Variants in LARGE1 observed in about 807,000 individuals in gnomAD.
LARGE1 encodes xylosyl- and glucuronyltransferase LARGE1.
Under a neutral mutation model 87.6 loss-of-function variants are expected in LARGE1, and 43 were observed. The observed-to-expected ratio is 0.49, with a 90% CI of 0.38 to 0.63. The LOEUF (loss-of-function observed/expected upper bound fraction) is 0.63. LARGE1 is among the 30% of genes least tolerant of loss of function. The pLI, the probability that LARGE1 is intolerant of heterozygous loss-of-function variation, is 0.00. For synonymous variants in LARGE1, 434 were observed against 394.6 expected (o/e 1.10, Z -1.18); for missense variants, 802 against 1,000.2 (o/e 0.80, Z 2.67).
rs575387779 is a variant in LARGE1, at chr22:33,627,553, C to T, written c.409-1227G>A. Reference sequence around the variant, plus strand: ...CCTCAGAGCCCTTGCTCCCATGACACGGGCTTCCAGATACCTTGTTATCCC... The same window carrying T: ...CCTCAGAGCCCTTGCTCCCATGACATGGGCTTCCAGATACCTTGTTATCCC... On this transcript the variant is annotated intron_variant, in intron 3 of 14. Transcript: ENST00000397394. 7.9e-5 allele frequency among the ~76,000 whole-genome samples: 12 copies of T among 152,322 alleles called. No homozygotes were observed. The South Asian group carries it at 1.4e-3, about 18-fold the overall frequency.
At chr22:33,431,439 A>G (rs1438221193) in intron 7 of LARGE1, among the ~76,000 whole-genome samples, 3 of 152,204 alleles carry the variant, frequency 2.0e-5, no homozygotes, top group Non-Finnish European at 4.4e-5. Flanking sequence ...ACACATGGTT[A>G]TAGGTCTGTG....
At position 33,277,077 on chromosome 22, in the gene LARGE1, T is replaced by C. The variant is rs1929457193; in HGVS notation, c.2056A>G (p.Met686Val). Residue 686 changes from methionine to valine, a missense_variant, in exon 14 of 15, where the codon ATG becomes GTG. Physicochemically the swap from Met to Val is conservative, Grantham distance 21. Transcript: ENST00000397394. ...GFGWNKVAHI[M>V]ELDVQEYEFI... ...CTTCTCACCTGCACATCCAGCTCCA[T>C]GATATGAGCCACTTTGTTCCAGCCA... 8 of 1,614,210 alleles carry C rather than the reference T, an allele frequency of 5.0e-6. 1 individual carries two copies. The East Asian group carries it at 1.6e-4, about 31-fold the overall frequency.
intron 7 of LARGE1, among the ~76,000 whole-genome samples, chr22:33,405,264 C>T (rs1209981220): frequency 6.6e-6 from 1 of 152,170 alleles, no homozygotes; most frequent in African/African-American, 2.4e-5. Context: ...GTATCATGGC[C>T]CAGGAAGCTC....
At chr22:33,068,591 G>A in the LARGE1 span, among the ~76,000 whole-genome samples, 1 of 152,182 alleles carries the variant, frequency 6.6e-6, no homozygotes, top group Non-Finnish European at 1.5e-5. Context: ...CTTGCAGTGA[G>A]CCGAGATGGC....
intron 13 of LARGE1, among the ~76,000 whole-genome samples, chr22:33,279,195 G>A (rs955039935): frequency 6.6e-6 from 1 of 152,196 alleles, no homozygotes; most frequent in Non-Finnish European, 1.5e-5. Context: ...GAGACGGCAG[G>A]AAGCTGGGCA....
chr22:33,619,230 T>C (rs571605962), intron 4 of LARGE1, among the ~76,000 whole-genome samples: 2 of 152,200 alleles, frequency 1.3e-5, no homozygotes, highest in Non-Finnish European at 2.9e-5. Context: ...ACGTCTACAC[T>C]ATCACCCAGA....
intron 9 of LARGE1, among the ~76,000 whole-genome samples, chr22:33,369,384 CA>C (rs2064721198): frequency 6.6e-6 from 1 of 152,120 alleles, no homozygotes; most frequent in Non-Finnish European, 1.5e-5. Flanking sequence ...AGGCTTTCCT[CA>C]TGCATGTTTT....
chr22:33,435,828 C>T (rs577880768), intron 6 of LARGE1, among the ~76,000 whole-genome samples: 75 of 152,166 alleles, frequency 4.9e-4, no homozygotes, highest in Non-Finnish European at 9.0e-4. Flanking sequence ...GCACGCCAAT[C>T]CTCTTAAAAA....
chr22:33,735,113 C>G (rs73170560), intron 2 of LARGE1, among the ~76,000 whole-genome samples: 8,111 of 152,216 alleles, frequency 0.053, 265 homozygotes, highest in Non-Finnish European at 0.081. Context: ...TAGCAGTGTC[C>G]CTTCACTCCT....
At chr22:33,170,433 T>A (rs1191808148) in intron 11 of LARGE1, among the ~76,000 whole-genome samples, 1 of 152,148 alleles carries the variant, frequency 6.6e-6, no homozygotes, top group Non-Finnish European at 1.5e-5. Context: ...TGATATGGTT[T>A]GGCTTGTGTC....
intron 14 of LARGE1, among the ~76,000 whole-genome samples, chr22:33,276,205 C>T (rs5998836): frequency 0.074 from 9,708 of 132,038 alleles, 1,057 homozygotes; most frequent in African/African-American, 0.25. Flanking sequence ...GAAGAGCATA[C>T]AAAAGAAAAG....
At chr22:33,719,863 C>A (rs1053991295) in intron 2 of LARGE1, among the ~76,000 whole-genome samples, 1 of 152,030 alleles carries the variant, frequency 6.6e-6, no homozygotes, top group Non-Finnish European at 1.5e-5. Context: ...TGTTTAGGTA[C>A]ACAAATGCTT....
At chr22:33,633,278 A>G (rs2080165069) in intron 3 of LARGE1, among the ~76,000 whole-genome samples, 1 of 152,166 alleles carries the variant, frequency 6.6e-6, no homozygotes, top group African/African-American at 2.4e-5. Context: ...CAGAGTGGCC[A>G]GCATCACCCA....
intron 2 of LARGE1, among the ~76,000 whole-genome samples, chr22:33,682,805 C>T (rs1178240691): frequency 6.6e-6 from 1 of 152,188 alleles, no homozygotes; most frequent in Non-Finnish European, 1.5e-5. Context: ...TGCTGCTATG[C>T]TATCTGAACC....
chr22:33,922,067 C>G (rs1336171070), upstream of LARGE1, among the ~76,000 whole-genome samples: 1 of 152,234 alleles, frequency 6.6e-6, no homozygotes, highest in Admixed American at 6.5e-5. Flanking sequence ...CCCCCCGGGT[C>G]TCCACCTCTC....
chr22:33,543,755 C>A (rs984953083), intron 6 of LARGE1, among the ~76,000 whole-genome samples: 1 of 152,198 alleles, frequency 6.6e-6, no homozygotes, highest in Non-Finnish European at 1.5e-5. Flanking sequence ...TTTTCAAGCT[C>A]TCAGATCTGT....
intron 11 of LARGE1, among the ~76,000 whole-genome samples, chr22:33,168,542 T>C (rs1342453429): frequency 1.3e-5 from 2 of 152,316 alleles, no homozygotes; most frequent in East Asian, 3.9e-4. Context: ...GATTAAGTGC[T>C]ACATATTCAA....
intron 11 of LARGE1, among the ~76,000 whole-genome samples, chr22:33,186,687 C>T (rs1333071861): frequency 6.6e-6 from 1 of 151,954 alleles, no homozygotes; most frequent in Non-Finnish European, 1.5e-5. Flanking sequence ...GCATAAGTAT[C>T]AAAGAGAATG....
intron 6 of LARGE1, among the ~76,000 whole-genome samples, chr22:33,459,178 A>G (rs2147994178): frequency 6.6e-6 from 1 of 152,146 alleles, no homozygotes; most frequent in African/African-American, 2.4e-5. Context: ...CTCTGTGTCT[A>G]TGTGTTCTCA....
Sources: allele counts gnomAD v4.1 joint callset (sites outside exome capture counted in the v4.1 genomes callset), GRCh38; gene constraint gnomAD v4.1.1; transcripts MANE v1.5; gene names NCBI Gene and HGNC (gene_info 2026-07-23, HGNC 2026-07-21).